MCTP1: variants seen among roughly 807,000 people sequenced by gnomAD.
MCTP1 encodes multiple C2 and transmembrane domain containing 1.
MCTP1 carries 69 observed loss-of-function variants against 120.6 expected under a neutral mutation model. That is an observed-to-expected ratio of 0.57 (90% CI 0.47 to 0.70). The LOEUF (loss-of-function observed/expected upper bound fraction) is 0.70. Among genes scored for constraint, MCTP1 ranks in the 30% least tolerant of loss-of-function variants. The pLI is 0.00. For synonymous variants in MCTP1, 529 were observed against 493.1 expected, an observed-to-expected ratio of 1.07 and a Z score of -0.96; for missense variants, 1,203 against 1,248.8, an observed-to-expected ratio of 0.96 and a Z score of 0.55.
chr5:94,939,171 G>A (rs1404553957), intron 5 of MCTP1, among the ~76,000 whole-genome samples: 1 of 152,010 alleles, frequency 6.6e-6, no homozygotes, highest in Admixed American at 6.6e-5. Flanking sequence ...TTCCAAATTT[G>A]ATGTTGTAAT....
At chr5:95,263,457 G>T (rs1423155507) in intron 1 of MCTP1, among the ~76,000 whole-genome samples, 1 of 152,024 alleles carries the variant, frequency 6.6e-6, no homozygotes, top group Non-Finnish European at 1.5e-5. Flanking sequence ...ACCCATCCAG[G>T]CCCAGGTTGC....
At chr5:94,846,382 C>T (rs1462916525) in intron 17 of MCTP1, among the ~76,000 whole-genome samples, 2 of 152,066 alleles carry the variant, frequency 1.3e-5, no homozygotes, top group Non-Finnish European at 2.9e-5. Context: ...CCATTATCCT[C>T]AGCAAACTAA....
chr5:94,912,155 A>G (rs1323792295), intron 9 of MCTP1, among the ~76,000 whole-genome samples: 1 of 152,062 alleles, frequency 6.6e-6, no homozygotes, highest in African/African-American at 2.4e-5. Flanking sequence ...TATTAGCACT[A>G]GTTGTAATAA....
intron 1 of MCTP1, among the ~76,000 whole-genome samples, chr5:95,058,279 A>T (rs1747962159): frequency 6.6e-6 from 1 of 152,246 alleles, no homozygotes; most frequent in African/African-American, 2.4e-5. Flanking sequence ...AGAAGAATAC[A>T]TTCCTGCTTT....
chr5:94,758,669 A>G (rs964033483), intron 19 of MCTP1, among the ~76,000 whole-genome samples: 6 of 152,212 alleles, frequency 3.9e-5, no homozygotes, highest in African/African-American at 1.4e-4. Flanking sequence ...ATGAATAAAT[A>G]AGAAATTTTA....
In MCTP1 at chr5:95,284,394, G is replaced by A. The variant is rs757993375; in HGVS notation, c.182C>T (p.Pro61Leu). ...ADTPSPSPPP[P>L]VGTGNAPARG... ...GGCCGGTGCATTCCCTGTGCCCACC[G>A]GGGGTGGCGGGGAGGGCGACGGGGT... The change falls in exon 1 of 23, where the codon CCG becomes CTG. Residue 61 changes from proline to leucine, a missense_variant. Physicochemically the swap from Pro to Leu is moderately conservative, Grantham distance 98. Transcript: ENST00000515393. This position sits in a 1 kb window ranked among gnomAD's most constrained non-coding sequence, Gnocchi z 5.2. The A allele has an allele frequency of 2.5e-6, 4 of 1,591,066 alleles. No individual in the cohort carries two copies. Among genetic ancestry groups the A allele is most frequent in the East Asian group, 2.3e-5 (1 of 44,410 alleles).
intron 4 of MCTP1, among the ~76,000 whole-genome samples, 186 bp downstream of exon 4, chr5:94,942,162 G>T (rs1676186951): frequency 6.6e-6 from 1 of 151,998 alleles, no homozygotes; most frequent in African/African-American, 2.4e-5. Context: ...TGTTGAATGA[G>T]GTAGTCAGGG....
intron 17 of MCTP1, among the ~76,000 whole-genome samples, chr5:94,831,943 T>C (rs1255408238): frequency 6.6e-6 from 1 of 152,116 alleles, no homozygotes; most frequent in Non-Finnish European, 1.5e-5. Context: ...CTAATAATAT[T>C]CAGGCTAGAG....
At chr5:94,934,745 T>TA (rs2153487760) in intron 5 of MCTP1, among the ~76,000 whole-genome samples, 2 of 151,284 alleles carry the variant, frequency 1.3e-5, no homozygotes, top group African/African-American at 4.8e-5. Flanking sequence ...AAGTTTTTTT[T>TA]TTTTTTTTTT....
At chr5:95,098,809 G>A (rs1756477823) in intron 1 of MCTP1, among the ~76,000 whole-genome samples, 1 of 151,848 alleles carries the variant, frequency 6.6e-6, no homozygotes, top group Non-Finnish European at 1.5e-5. Flanking sequence ...AGCCCACATT[G>A]CCAAGTCAAT....
chr5:94,726,169 T>C (rs1039897250), intron 19 of MCTP1, among the ~76,000 whole-genome samples: 4 of 152,176 alleles, frequency 2.6e-5, no homozygotes, highest in African/African-American at 9.7e-5. Flanking sequence ...TCTGCCTCAA[T>C]TTGTGCTCAC....
intron 17 of MCTP1, among the ~76,000 whole-genome samples, chr5:94,837,724 G>A (rs1674897342): frequency 6.6e-6 from 1 of 152,172 alleles, no homozygotes; most frequent in East Asian, 1.9e-4. Context: ...AAAATCTGAA[G>A]CACTTGGGTT....
intron 12 of MCTP1, among the ~76,000 whole-genome samples, chr5:94,881,864 CA>C (rs973602621): frequency 6.6e-6 from 1 of 152,068 alleles, no homozygotes; most frequent in African/African-American, 2.4e-5. Flanking sequence ...CCAGATATAC[CA>C]GTTGAAAATA....
At chr5:94,897,989 CTTA>C (rs1215243130) in intron 10 of MCTP1, among the ~76,000 whole-genome samples, 2 of 151,950 alleles carry the variant, frequency 1.3e-5, no homozygotes, top group African/African-American at 4.8e-5. Flanking sequence ...AGTTATTGTT[CTTA>C]TAAGATGATT....
chr5:95,160,346 GAGA>G (rs1745582386), intron 1 of MCTP1, among the ~76,000 whole-genome samples: 1 of 152,148 alleles, frequency 6.6e-6, no homozygotes, highest in African/African-American at 2.4e-5. Context: ...ATTACAAATG[GAGA>G]AGGAGTACAA....
intron 10 of MCTP1, among the ~76,000 whole-genome samples, chr5:94,899,041 T>TA (rs1804813436): frequency 6.6e-6 from 1 of 152,216 alleles, no homozygotes; most frequent in South Asian, 2.1e-4. Context: ...GATGTATTGC[T>TA]AAAAAAACTT....
In MCTP1 at chr5:95,199,865, G is replaced by GA. The variant is rs1166510984; in HGVS notation, c.720+83990dup. 1.8e-3 allele frequency among the ~76,000 whole-genome samples: 180 copies of GA among 99,778 alleles called. 1 individual carries two copies. Among genetic ancestry groups the GA allele is most frequent in the Middle Eastern group, 7.0e-3 (1 of 142 alleles). The allele number at this position is 99,778 out of a possible 152,430, so 65.5% of individuals were successfully genotyped here. On this transcript the variant is annotated intron_variant, in intron 1 of 22. Coordinates refer to ENST00000515393, the MANE Select transcript of MCTP1 (RefSeq NM_024717.7). The stretch of plus-strand genomic sequence containing the variant: ...CAGAGCAAGAGACTCCGTCTCAAAA[G>GA]AAAAAAAAAAAAAGGCCAGGCACAG...
intron 1 of MCTP1, among the ~76,000 whole-genome samples, chr5:95,117,281 C>T (rs1757889868): frequency 6.6e-6 from 1 of 150,532 alleles, no homozygotes; most frequent in African/African-American, 2.4e-5. Flanking sequence ...GTCCCAGCTA[C>T]TCAGGAGGCT....
intron 10 of MCTP1, among the ~76,000 whole-genome samples, chr5:94,901,298 C>T (rs1323446061): frequency 6.6e-6 from 1 of 152,104 alleles, no homozygotes; most frequent in Non-Finnish European, 1.5e-5. Flanking sequence ...ACAAGCACAC[C>T]ATGGGAAAGA....
Sources: gnomAD v4.1 joint callset for allele counts (sites outside exome capture counted in the v4.1 genomes callset) on GRCh38, gnomAD v4.1.1 for gene constraint, Gnocchi (gnomAD v3.1) non-coding constraint, MANE v1.5 for transcripts, NCBI Gene and HGNC (gene_info 2026-07-23, HGNC 2026-07-21) for gene names.